The following DLG2 variants were observed in gnomAD, a reference collection of about 807,000 sequenced individuals.
DLG2 encodes the protein discs large MAGUK scaffold protein 2.
DLG2 carries 45 observed loss-of-function variants against 132.5 expected under a neutral mutation model. The observed-to-expected ratio is 0.34, with a 90% CI of 0.27 to 0.44. The LOEUF is 0.44. DLG2 is among the 20% of genes least tolerant of loss of function. The probability of loss-of-function intolerance (pLI) is 1.00; values close to 1 mark genes in which losing one functional copy is unlikely to be tolerated. For synonymous variants in DLG2, 424 were observed against 419.6 expected, an observed-to-expected ratio of 1.01 and a Z score of -0.13; for missense variants, 1,045 against 1,196.9, an observed-to-expected ratio of 0.87 and a Z score of 1.87.
intron 4 of DLG2, among the ~76,000 whole-genome samples, chr11:85,160,136 A>G (rs745696417): frequency 2.0e-5 from 3 of 152,216 alleles, no homozygotes; most frequent in Non-Finnish European, 4.4e-5. Flanking sequence ...AGGAGGCACA[A>G]TGCCTAGTGG....
rs200207845 is a variant in DLG2 at position 85,506,962 on chromosome 11, C to T, written c.40+91695G>A. ...CTTCTTGTCGAATTGATCCCTTTAC[C>T]ATTATGTAATGGCCTTGTCTCTTTT... is the stretch of plus-strand genomic sequence containing the variant. On this transcript the variant is annotated intron_variant, in intron 3 of 27. Transcript: ENST00000376104. Among the ~76,000 whole-genome samples the T allele has an allele frequency of 4.6e-5, 7 of 152,288 alleles. No individual in the cohort carries two copies. The East Asian group carries it at 1.2e-3, about 25-fold the overall frequency.
intron 3 of DLG2, among the ~76,000 whole-genome samples, chr11:85,406,098 A>T (rs902963201): frequency 6.6e-6 from 1 of 151,938 alleles, no homozygotes; most frequent in Non-Finnish European, 1.5e-5. Context: ...TTATTCTTCA[A>T]TTATAGAGTC....
rs12273941 is a variant in DLG2 at position 84,674,266 on chromosome 11, A to T, written c.358-139535T>A. On this transcript the variant is annotated intron_variant, in intron 6 of 27. Coordinates refer to ENST00000376104, the MANE Select transcript of DLG2 (RefSeq NM_001142699.3). ...TCCAGGTTGATGTTTAATTGGTAAT[A>T]GCTCCTCACACAGTCTACTTGATTA... Among the ~76,000 whole-genome samples, 1,224 of 152,266 alleles carry T rather than the reference A, an allele frequency of 8.0e-3. 14 individuals are homozygous for T. Among genetic ancestry groups the T allele is most frequent in the African/African-American group, 0.028 (1,177 of 41,556 alleles).
Position 83,503,372 on chromosome 11 carries a change from TATA to T in DLG2, c.2194-19147_2194-19145del, listed in dbSNP as rs1565510731. Reference sequence around the variant, plus strand: ...ATATATACACACACACACCCATTTATATATATATATATATATATATATATATAT... The same window carrying T: ...ATATATACACACACACACCCATTTATTATATATATATATATATATATATAT... On this transcript the variant is annotated intron_variant, in intron 21 of 27. Transcript: ENST00000376104. Among the ~76,000 whole-genome samples, 15 of 2,628 alleles carry T rather than the reference TATA, an allele frequency of 5.7e-3. 1 individual carries two copies. Among genetic ancestry groups the T allele is most frequent in the Non-Finnish European group, 8.4e-3 (10 of 1,188 alleles). 1.7% of individuals were successfully genotyped at this position (2,628 alleles called of 152,430 possible).
At chr11:84,400,571 A>C (rs1394045667) in intron 7 of DLG2, among the ~76,000 whole-genome samples, 1 of 152,178 alleles carries the variant, frequency 6.6e-6, no homozygotes, top group African/African-American at 2.4e-5. Context: ...CCTCCTTACC[A>C]AATTCTTTAT....
chr11:84,356,789 T>C (rs903053855), intron 7 of DLG2, among the ~76,000 whole-genome samples: 6 of 151,768 alleles, frequency 4.0e-5, no homozygotes, highest in Admixed American at 2.0e-4. Flanking sequence ...AGAATGAACA[T>C]AGAAAGAGGA....
chr11:84,238,551 C>T (rs1022252238), intron 8 of DLG2, among the ~76,000 whole-genome samples: 5 of 149,042 alleles, frequency 3.4e-5, no homozygotes, highest in Non-Finnish European at 7.4e-5. Flanking sequence ...AAAAGCCAAG[C>T]AAGATTTAAC....
chr11:83,467,771 G>GTA (rs1192401405), intron 25 of DLG2, among the ~76,000 whole-genome samples: 3,762 of 84,284 alleles, frequency 0.045, 96 homozygotes, highest in Non-Finnish European at 0.061. Context: ...AAAACTATAT[G>GTA]TATATATATA....
At chr11:83,519,839 G>A (rs777242768) in intron 21 of DLG2, among the ~76,000 whole-genome samples, 14 of 152,254 alleles carry the variant, frequency 9.2e-5, no homozygotes, top group African/African-American at 2.4e-4. Flanking sequence ...ATTGGCAATC[G>A]TAGATTCATA....
At chr11:84,791,639 T>C (rs1275153587) in intron 6 of DLG2, among the ~76,000 whole-genome samples, 2 of 152,180 alleles carry the variant, frequency 1.3e-5, no homozygotes, top group Non-Finnish European at 2.9e-5. Flanking sequence ...ATACTTTTCA[T>C]TGTGGAGATC....
chr11:84,999,856 G>A (rs1469022956), intron 6 of DLG2, among the ~76,000 whole-genome samples: 1 of 152,054 alleles, frequency 6.6e-6, no homozygotes, highest in African/African-American at 2.4e-5. Flanking sequence ...AGGTAAGGGG[G>A]AAATAAACCT....
At chr11:83,790,150 C>T in intron 17 of DLG2, 4 of 858,254 alleles carry the variant, frequency 4.7e-6, no homozygotes, top group Non-Finnish European at 7.5e-6. Context: ...ATCCAGGCAG[C>T]TGAGACCTTG....
chr11:83,725,845 G>A (rs1360895190), intron 18 of DLG2, among the ~76,000 whole-genome samples: 1 of 152,136 alleles, frequency 6.6e-6, no homozygotes, highest in Non-Finnish European at 1.5e-5. Context: ...GCGGAGCTCA[G>A]ACATTTTCAC....
chr11:83,535,689 C>G (rs1303024560), intron 20 of DLG2, among the ~76,000 whole-genome samples: 3 of 151,942 alleles, frequency 2.0e-5, no homozygotes, highest in Non-Finnish European at 4.4e-5. Context: ...ATATGGAGGT[C>G]ACATACTTCC....
chr11:84,319,494 C>T (rs560791362), intron 7 of DLG2, among the ~76,000 whole-genome samples: 6 of 152,252 alleles, frequency 3.9e-5, no homozygotes, highest in South Asian at 4.1e-4. Context: ...AACACATGTC[C>T]GGTTCTCATC....
At chr11:84,954,951 A>G (rs761749665) in intron 6 of DLG2, among the ~76,000 whole-genome samples, 1 of 152,184 alleles carries the variant, frequency 6.6e-6, no homozygotes, top group Non-Finnish European at 1.5e-5. Context: ...GCCAGTTAGT[A>G]AATATTTCTG....
At chr11:84,331,321 T>C (rs2098457260) in intron 7 of DLG2, among the ~76,000 whole-genome samples, 2 of 151,888 alleles carry the variant, frequency 1.3e-5, no homozygotes, top group Admixed American at 1.3e-4. Context: ...AAATTGAGGT[T>C]CAGAGAAACT....
At chr11:84,760,133 C>G (rs151235911) in intron 6 of DLG2, among the ~76,000 whole-genome samples, 5 of 152,292 alleles carry the variant, frequency 3.3e-5, no homozygotes, top group Non-Finnish European at 7.3e-5. Context: ...TCAATTTCTT[C>G]TCTTCCCAAA....
At chr11:83,721,533 A>G (rs892076863) in intron 18 of DLG2, among the ~76,000 whole-genome samples, 1 of 152,188 alleles carries the variant, frequency 6.6e-6, no homozygotes, top group African/African-American at 2.4e-5. Context: ...CCTGCTATTC[A>G]CTTCACAACA....
Sources: gnomAD v4.1 joint callset for allele counts (sites outside exome capture counted in the v4.1 genomes callset) on GRCh38, gnomAD v4.1.1 for gene constraint, MANE v1.5 for transcripts, NCBI Gene and HGNC (gene_info 2026-07-23, HGNC 2026-07-21) for gene names.